Variants in ALG12 observed in about 807,000 individuals in gnomAD.
ALG12 encodes the protein dol-P-Man:Man(7)GlcNAc(2)-PP-Dol alpha-1,6-mannosyltransferase.
ALG12 carries 36 observed loss-of-function variants against 46.0 expected under a neutral mutation model. That is an observed-to-expected ratio of 0.78 (90% CI 0.60 to 1.03). ALG12 has a LOEUF of 1.03. ALG12 is among the 50% of genes least tolerant of loss of function. The pLI is 0.00. For synonymous variants in ALG12, 326 were observed against 291.6 expected, an observed-to-expected ratio of 1.12 and a Z score of -1.20; for missense variants, 599 against 633.5, an observed-to-expected ratio of 0.95 and a Z score of 0.58.
the ALG12 span, chr22:49,886,775 C>CTAG: frequency 6.2e-7 from 1 of 1,612,268 alleles, no homozygotes; most frequent in East Asian, 2.2e-5. This position sits in a 1 kb window ranked among gnomAD's most constrained non-coding sequence, Gnocchi z 7.7. Flanking sequence ...CTCATGAATT[C>CTAG]TACCTCAGAG....
rs12163163 is a variant in ALG12 at position 49,903,943 on chromosome 22, G to A, written c.1362C>T (p.Val454=). ...YRDTHRVLAS[V]VGTTGVSLNL... The stretch of plus-strand genomic sequence containing the variant: ...TCAGACTCACACCTGTGGTCCCCAC[G>A]ACGCTGGCCAGGACCCGGTGTGTGT... The change falls in exon 10 of 10, where the codon GTC becomes GTT. Residue 454 remains valine, a synonymous_variant. Transcript: ENST00000330817. The A allele has an allele frequency of 1.0e-3, 1,662 of 1,614,206 alleles. 13 individuals carry two copies. In the East Asian group the frequency reaches 0.017, roughly 17 times the overall value.
chr22:49,860,932 C>G, the ALG12 span, among the ~76,000 whole-genome samples: 3 of 151,982 alleles, frequency 2.0e-5, no homozygotes, highest in African/African-American at 7.3e-5. Context: ...GCGCCCACCA[C>G]CACGCCCAGC....
In ALG12 at chr22:49,903,459, G is replaced by C. The variant is rs1412863608; in HGVS notation, c.*379C>G. On this transcript the variant is annotated 3_prime_UTR_variant, in exon 10 of 10. Coordinates refer to ENST00000330817, the MANE Select transcript of ALG12 (RefSeq NM_024105.4). ...AAGCGTGGGGTGCTGCCAAAATACA[G>C]CTCCCCCTGGGTGGGCAGGACACAC... 4 of 473,760 alleles carry C rather than the reference G, an allele frequency of 8.4e-6. No homozygotes were observed. Among genetic ancestry groups the C allele is most frequent in the African/African-American group, 7.9e-5 (4 of 50,934 alleles). 29.3% of individuals were successfully genotyped at this position (473,760 alleles called of 1,614,324 possible). A position where few individuals can be genotyped will look rare whatever the true frequency, so the allele number is the denominator to read the frequency against.
the ALG12 span, among the ~76,000 whole-genome samples, chr22:49,892,961 T>C: frequency 1.3e-5 from 2 of 152,178 alleles, no homozygotes; most frequent in African/African-American, 4.8e-5. Flanking sequence ...TTATGATTTA[T>C]ACATTCAATA....
the ALG12 span, among the ~76,000 whole-genome samples, chr22:49,863,924 C>T: frequency 6.6e-6 from 1 of 152,230 alleles, no homozygotes; most frequent in East Asian, 1.9e-4. Context: ...AGAGCCCCTA[C>T]AAGCTGGCTC....
At chr22:49,864,642 C>G in the ALG12 span, among the ~76,000 whole-genome samples, 11 of 152,080 alleles carry the variant, frequency 7.2e-5, no homozygotes, top group Admixed American at 5.2e-4. Flanking sequence ...CCTAGTGAGA[C>G]CCCCTCTCTA....
chr22:49,878,265 G>T, the ALG12 span, among the ~76,000 whole-genome samples: 1 of 139,322 alleles, frequency 7.2e-6, no homozygotes, highest in Admixed American at 8.3e-5. Flanking sequence ...ACGCACCACT[G>T]CACTCCAACC....
In ALG12 at chr22:49,904,506, C is replaced by T; in HGVS notation, c.993G>A (p.Leu331=). The T allele has an allele frequency of 6.2e-7, 1 of 1,614,084 alleles. No homozygotes were observed. The highest frequency in any genetic ancestry group is 1.7e-5 in the Admixed American group (1 of 60,004). Residue 331 remains leucine, a splice_region_variant and synonymous_variant, in exon 8 of 10, where the codon CTG becomes CTA. Coordinates refer to ENST00000330817, the MANE Select transcript of ALG12 (RefSeq NM_024105.4). ...GCCAAGACTTTTTATAGTTATTCAG[C>T]CTGAAAAAAGAATGGTTACACATCA... ...NITAARGCSY[L]LNNYKKSWLY...
At chr22:49,870,822 C>T in the ALG12 span, among the ~76,000 whole-genome samples, 2 of 151,980 alleles carry the variant, frequency 1.3e-5, no homozygotes, top group East Asian at 3.9e-4. Flanking sequence ...TGCAGAGGCT[C>T]TTTAGTTAGG....
the ALG12 span, among the ~76,000 whole-genome samples, chr22:49,875,648 T>C: frequency 1.3e-5 from 2 of 152,152 alleles, no homozygotes; most frequent in African/African-American, 4.8e-5. Flanking sequence ...CTCGATCTAC[T>C]GACCTCAAGT....
At chr22:49,913,951 G>C in intron 1 of ALG12, 108 bp from the exon 2 acceptor site, 1 of 690,404 alleles carries the variant, frequency 1.4e-6, no homozygotes, top group Non-Finnish European at 2.5e-6. Context: ...TGTCTTAGTC[G>C]CACTACTACA....
the ALG12 span, among the ~76,000 whole-genome samples, chr22:49,862,170 C>T: frequency 6.6e-6 from 1 of 152,234 alleles, no homozygotes; most frequent in Non-Finnish European, 1.5e-5. Flanking sequence ...GCAAGTGGCT[C>T]ATTTTGTTAG....
In ALG12 at chr22:49,904,219, T is replaced by A. The variant is rs770852208; in HGVS notation, c.1198A>T (p.Thr400Ser). The change falls in exon 9 of 10, where the codon ACA becomes TCA. Residue 400 changes from threonine (T) to serine (S), a missense_variant. By Grantham distance (58) the Thr-to-Ser change is moderately conservative. Transcript: ENST00000330817. ...ACTTGGAGAAACCGAGACACACCTG[T>A]CTGGGCGGCTGCCACGTCAATGTGC... ...LLHIDVAAAQTGVSRFLQVNS... is the reference protein window; with the variant it reads ...LLHIDVAAAQSGVSRFLQVNS... The A allele has an allele frequency of 6.2e-7, 1 of 1,614,086 alleles. No individual in the cohort carries two copies. The highest frequency in any genetic ancestry group is 1.7e-5 in the Admixed American group (1 of 60,006).
At position 49,904,345 on chromosome 22, in the gene ALG12, G is replaced by T. The variant is rs781249081; in HGVS notation, c.1154C>A (p.Pro385His). ...GTGCCCCCAGCACCCACCTGTCTGG[G>T]GGGGCACCAGCTGGTGCAGCCTCTG... ...AMQRLHQLVP[P>H]QTDVLLHIDV... Residue 385 changes from proline (P) to histidine (H), a missense_variant, in exon 8 of 10, where the codon CCC becomes CAC. By Grantham distance (77) the Pro-to-His change is moderately conservative. Transcript: ENST00000330817. 6.2e-7 allele frequency: 1 copy of T among 1,614,082 alleles called. No homozygotes were observed. The highest frequency in any genetic ancestry group is 8.5e-7 in the Non-Finnish European group (1 of 1,180,048).
At chr22:49,870,496 T>C in the ALG12 span, among the ~76,000 whole-genome samples, 1 of 152,200 alleles carries the variant, frequency 6.6e-6, no homozygotes, top group East Asian at 1.9e-4. Context: ...TGTTATTTTT[T>C]TCTTTTTTTA....
chr22:49,885,985 G>A, the ALG12 span: 1 of 698,652 alleles, frequency 1.4e-6, no homozygotes, highest in Non-Finnish European at 2.6e-6. Context: ...CGTGTCGCAG[G>A]TGGACTGCGA....
At chr22:49,897,904 C>T (rs2060490009), downstream of ALG12, among the ~76,000 whole-genome samples, 1 of 151,962 alleles carries the variant, frequency 6.6e-6, no homozygotes, top group South Asian at 2.1e-4. Context: ...CGTGATCTGC[C>T]CGTCTTGGCC....
chr22:49,897,951 G>A (rs528354514), downstream of ALG12, among the ~76,000 whole-genome samples: 100 of 150,876 alleles, frequency 6.6e-4, no homozygotes, highest in African/African-American at 1.8e-3. Context: ...GAGCCACCAC[G>A]TCCGGCCTCA....
chr22:49,909,134 A>G, intron 6 of ALG12, 110 bp downstream of exon 6: 1 of 1,190,590 alleles, frequency 8.4e-7, no homozygotes, highest in Non-Finnish European at 1.3e-6. Context: ...CTGACCCTGC[A>G]GCCACGCTGC....
Sources: gnomAD v4.1 joint callset for allele counts (sites outside exome capture counted in the v4.1 genomes callset) on GRCh38, gnomAD v4.1.1 for gene constraint, Gnocchi (gnomAD v3.1) non-coding constraint, MANE v1.5 for transcripts, NCBI Gene and HGNC (gene_info 2026-07-23, HGNC 2026-07-21) for gene names.